The following AGBL1 variants were observed in gnomAD, a reference collection of about 807,000 sequenced individuals.
The protein encoded by AGBL1 is cytosolic carboxypeptidase 4.
AGBL1 carries 130 observed loss-of-function variants against 118.9 expected under a neutral mutation model. That is an observed-to-expected ratio of 1.09 (90% confidence interval 0.95 to 1.26). The LOEUF is 1.26. AGBL1 is among the 50% of genes most tolerant of loss of function. The pLI is 0.00. For missense variants in AGBL1, 1,584 were observed against 1,298.1 expected (o/e 1.22, Z -3.38); for synonymous variants, 555 against 478.9 (o/e 1.16, Z -2.08).
intron 18 of AGBL1, 115 bp downstream of exon 18, chr15:86,397,661 T>C (rs1422442004): frequency 2.1e-5 from 21 of 988,182 alleles, no homozygotes; most frequent in Non-Finnish European, 2.8e-5. Flanking sequence ...GAATAAACTC[T>C]TGGTTTTCTG....
intron 20 of AGBL1, among the ~76,000 whole-genome samples, chr15:86,551,529 GTTTAT>G (rs1470075487): frequency 6.6e-6 from 1 of 152,098 alleles, no homozygotes; most frequent in African/African-American, 2.4e-5. Flanking sequence ...ATCTGATGAG[GTTTAT>G]TTTAAGTGGA....
intron 23 of AGBL1, among the ~76,000 whole-genome samples, chr15:86,964,047 G>C (rs1567262338): frequency 1.3e-5 from 2 of 151,238 alleles, no homozygotes; most frequent in Non-Finnish European, 3.0e-5. Flanking sequence ...GTGTGTGTGT[G>C]TGTGTGTGTT....
At chr15:86,400,905 C>A (rs771285185) in intron 18 of AGBL1, among the ~76,000 whole-genome samples, 2 of 151,992 alleles carry the variant, frequency 1.3e-5, no homozygotes, top group South Asian at 2.1e-4. Flanking sequence ...TCTGCAATTG[C>A]GAATTGTGCT....
intron 22 of AGBL1, among the ~76,000 whole-genome samples, chr15:86,815,949 A>G (rs1224460074): frequency 6.6e-6 from 1 of 152,218 alleles, no homozygotes; most frequent in African/African-American, 2.4e-5. Context: ...TTCGTTGTTC[A>G]TGCTTTAGAC....
rs878918020 is a variant in AGBL1, at chr15:86,262,913, T to A, written c.1086+19T>A. The A allele has an allele frequency of 1.3e-6, 2 of 1,560,554 alleles. No homozygotes were observed. The highest frequency in any genetic ancestry group is 2.3e-5 in the South Asian group (2 of 85,888). ...CTTTGAGGTAGGACATATGCTGTGG[T>A]TCTGATCTTTGACGATGCATGATGG... On this transcript the variant is annotated intron_variant, in intron 10 of 22. Transcript: ENST00000614907.
intron 1 of AGBL1, among the ~76,000 whole-genome samples, chr15:86,110,616 G>T (rs1250434351): frequency 6.6e-6 from 1 of 152,080 alleles, no homozygotes; most frequent in African/African-American, 2.4e-5. Flanking sequence ...TGCTGTCCAA[G>T]GGCCAACTCT....
chr15:86,651,501 C>A (rs765023181), intron 21 of AGBL1, among the ~76,000 whole-genome samples: 1 of 152,156 alleles, frequency 6.6e-6, no homozygotes, highest in Non-Finnish European at 1.5e-5. Context: ...TATTATAATT[C>A]CAGCACTGCT....
At chr15:86,331,276 A>C (rs533860791) in intron 17 of AGBL1, among the ~76,000 whole-genome samples, 1 of 151,642 alleles carries the variant, frequency 6.6e-6, no homozygotes, top group African/African-American at 2.4e-5. Flanking sequence ...ATGTAAAGTG[A>C]CCAAATCTAT....
chr15:86,688,815 C>T (rs1019590064), intron 22 of AGBL1, among the ~76,000 whole-genome samples: 1 of 152,100 alleles, frequency 6.6e-6, no homozygotes, highest in Admixed American at 6.6e-5. Context: ...ACCACAATCA[C>T]AGTTATTCCC....
intron 18 of AGBL1, among the ~76,000 whole-genome samples, chr15:86,479,279 A>G (rs1226776528): frequency 1.3e-5 from 2 of 152,218 alleles, no homozygotes; most frequent in East Asian, 1.9e-4. Flanking sequence ...AGAAACAACC[A>G]TCAGAGTGAA....
At chr15:86,930,052 C>T (rs55768045) in intron 23 of AGBL1, among the ~76,000 whole-genome samples, 5,907 of 152,164 alleles carry the variant, frequency 0.039, 156 homozygotes, top group Middle Eastern at 0.072. Flanking sequence ...CCGAAGGAAA[C>T]ATACCATAAA....
chr15:86,354,506 A>C (rs1292521288), intron 17 of AGBL1, among the ~76,000 whole-genome samples: 2 of 152,228 alleles, frequency 1.3e-5, no homozygotes, highest in African/African-American at 2.4e-5. Flanking sequence ...AGGAATGATA[A>C]CCAACATTAA....
At chr15:86,241,135 G>A (rs2078635379) in intron 6 of AGBL1, among the ~76,000 whole-genome samples, 1 of 152,178 alleles carries the variant, frequency 6.6e-6, no homozygotes, top group African/African-American at 2.4e-5. Flanking sequence ...GTTTCAGAGA[G>A]GCAGCAATGT....
At chr15:86,988,834 A>C (rs1407260728) in intron 24 of AGBL1, among the ~76,000 whole-genome samples, 1 of 152,158 alleles carries the variant, frequency 6.6e-6, no homozygotes, top group Non-Finnish European at 1.5e-5. Flanking sequence ...TTTTACATGA[A>C]TATTAATATC....
intron 23 of AGBL1, among the ~76,000 whole-genome samples, chr15:86,954,768 A>G (rs575908931): frequency 2.6e-5 from 4 of 152,178 alleles, no homozygotes; most frequent in Non-Finnish European, 5.9e-5. Context: ...CCATGTAACA[A>G]TCATGCCCAT....
chr15:86,901,329 T>G (rs2080209285), intron 22 of AGBL1, among the ~76,000 whole-genome samples: 1 of 152,144 alleles, frequency 6.6e-6, no homozygotes, highest in Non-Finnish European at 1.5e-5. Flanking sequence ...ATTTTCATAA[T>G]GTATTTTCTT....
rs1437911755 is a variant in AGBL1, at chr15:86,636,744, TATATATATATATATAC to T, written c.2995-37527_2995-37512del. Among the ~76,000 whole-genome samples the T allele has an allele frequency of 1.8e-3, 104 of 56,796 alleles. 8 individuals carry two copies. The highest frequency in any genetic ancestry group is 0.01 in the South Asian group (14 of 1,348). 37.3% of individuals were successfully genotyped at this position (56,796 alleles called of 152,430 possible). A position where few individuals can be genotyped will look rare whatever the true frequency, so the allele number is the denominator to read the frequency against. On this transcript the variant is annotated intron_variant, in intron 21 of 22. Transcript: ENST00000614907. ...ATATATATATATATATATATATATA[TATATATATATATATAC>T]ACATACATACAGAAAGGCAAGAGAA...
intron 1 of AGBL1, among the ~76,000 whole-genome samples, chr15:86,090,084 C>A (rs766486018): frequency 5.9e-5 from 9 of 152,174 alleles, no homozygotes; most frequent in South Asian, 4.1e-4. Flanking sequence ...AACCTCACAA[C>A]AATCCTATGA....
intron 21 of AGBL1, among the ~76,000 whole-genome samples, chr15:86,568,094 T>TA (rs1402739268): frequency 2.0e-5 from 3 of 152,196 alleles, no homozygotes; most frequent in African/African-American, 7.2e-5. Flanking sequence ...TGCTTTTAGG[T>TA]AATTAGCTTA....
Sources: allele counts gnomAD v4.1 joint callset (sites outside exome capture counted in the v4.1 genomes callset), GRCh38; gene constraint gnomAD v4.1.1; transcripts MANE v1.5; gene names NCBI Gene and HGNC (gene_info 2026-07-23, HGNC 2026-07-21).